NDST4: variants seen among roughly 807,000 people sequenced by gnomAD.
NDST4 encodes the protein N-heparan sulfate sulfotransferase 4.
NDST4 carries 63 observed loss-of-function variants against 100.8 expected under a neutral mutation model. The ratio of observed to expected loss-of-function variants is 0.62; its 90% CI spans 0.51 to 0.77. NDST4 has a LOEUF of 0.77. Among genes scored for constraint, NDST4 ranks in the 30% least tolerant of loss-of-function variants. NDST4 has a pLI of 0.00. For synonymous variants in NDST4, 377 were observed against 361.8 expected (o/e 1.04, Z -0.48); for missense variants, 943 against 1,018.4 (o/e 0.93, Z 1.01).
chr4:115,029,879 A>G (rs571769897), intron 2 of NDST4, among the ~76,000 whole-genome samples: 1 of 152,242 alleles, frequency 6.6e-6, no homozygotes, highest in South Asian at 2.1e-4. Flanking sequence ...TTGACTGTGT[A>G]TGCAAGTTGG....
At position 115,078,637 on chromosome 4, in the gene NDST4, A is replaced by C. The variant is rs531420081; in HGVS notation, c.-246-1355T>G. 3.3e-5 allele frequency among the ~76,000 whole-genome samples: 5 copies of C among 152,176 alleles called. No homozygotes were observed. In the South Asian group the frequency reaches 8.3e-4, roughly 25 times the overall value. ...GGGTGGATCACGAGGTCAGGAGTTC[A>C]AGATCAGCCTGGTAGGGATAGTGAA... On this transcript the variant is annotated intron_variant, in intron 1 of 13. Transcript: ENST00000264363.
At chr4:114,934,162 T>C (rs1210377019) in intron 6 of NDST4, among the ~76,000 whole-genome samples, 1 of 152,160 alleles carries the variant, frequency 6.6e-6, no homozygotes, top group Non-Finnish European at 1.5e-5. Context: ...AATAAAATAT[T>C]ATTCATCCTT....
chr4:114,848,310 A>G lies in NDST4; in HGVS notation c.1845T>C (p.Leu615=), dbSNP rs1474752553. ...TGTTALYLFL[L]MHPSIISNLP... The stretch of plus-strand genomic sequence containing the variant: ...GATTGCTGATGATTGAAGGATGCAT[A>G]AGAAGAAATAAATAAAGTGCAGTTG... The change falls in exon 9 of 14, where the codon CTT becomes CTC. Residue 615 remains leucine (L), a synonymous_variant. Coordinates refer to ENST00000264363, the MANE Select transcript of NDST4 (RefSeq NM_022569.3). 22 of 1,602,132 alleles carry G rather than the reference A, an allele frequency of 1.4e-5. No homozygotes were observed. The highest frequency in any genetic ancestry group is 1.9e-5 in the Non-Finnish European group (22 of 1,174,512).
At chr4:114,841,429 T>C (rs190123013) in intron 10 of NDST4, among the ~76,000 whole-genome samples, 253 of 152,316 alleles carry the variant, frequency 1.7e-3, no homozygotes, top group African/African-American at 5.7e-3. Flanking sequence ...CCCTGCTCAC[T>C]GCAATACAGC....
At chr4:115,069,875 T>C (rs1260285770) in intron 2 of NDST4, among the ~76,000 whole-genome samples, 1 of 152,144 alleles carries the variant, frequency 6.6e-6, no homozygotes, top group Non-Finnish European at 1.5e-5. Context: ...AGAATGAGAC[T>C]CTTTCTCTAA....
At chr4:114,912,834 T>A (rs141207697) in intron 6 of NDST4, among the ~76,000 whole-genome samples, 37 of 152,248 alleles carry the variant, frequency 2.4e-4, no homozygotes, top group African/African-American at 8.4e-4. Flanking sequence ...AATCACTTGT[T>A]TTTACTTTTT....
intron 4 of NDST4, among the ~76,000 whole-genome samples, chr4:114,948,594 G>A (rs1725921536): frequency 6.6e-6 from 1 of 151,878 alleles, no homozygotes; most frequent in African/African-American, 2.4e-5. Context: ...TTATCCTGTT[G>A]AAGTGATATC....
At chr4:114,968,876 C>G (rs573715057) in intron 4 of NDST4, among the ~76,000 whole-genome samples, 3 of 152,196 alleles carry the variant, frequency 2.0e-5, no homozygotes, top group Non-Finnish European at 4.4e-5. Context: ...TCATGGGGAT[C>G]ATCTGGGAAG....
intron 6 of NDST4, among the ~76,000 whole-genome samples, chr4:114,899,171 C>T (rs1279881526): frequency 1.3e-5 from 2 of 151,620 alleles, no homozygotes; most frequent in African/African-American, 4.8e-5. Context: ...AGATTTTTAT[C>T]GTTTTTTGTT....
intron 5 of NDST4, 131 bp from the exon 6 acceptor site, chr4:114,935,465 T>C (rs539103758): frequency 1.4e-5 from 11 of 762,100 alleles, no homozygotes; most frequent in African/African-American, 9.1e-5. Flanking sequence ...CCAAATCTTA[T>C]TATAATCACA....
chr4:114,874,446 C>T (rs527487100), intron 6 of NDST4, among the ~76,000 whole-genome samples: 14 of 152,142 alleles, frequency 9.2e-5, no homozygotes, highest in Admixed American at 7.2e-4. Context: ...TTTTCCTTTA[C>T]TGAGAATAAA....
chr4:114,830,896 G>C (rs1445579011), intron 12 of NDST4, among the ~76,000 whole-genome samples: 2 of 152,168 alleles, frequency 1.3e-5, no homozygotes, highest in African/African-American at 2.4e-5. Flanking sequence ...TTCATTTAGG[G>C]GGAGAGGGAA....
chr4:115,015,833 C>T (rs962790795), intron 2 of NDST4, among the ~76,000 whole-genome samples: 1 of 152,000 alleles, frequency 6.6e-6, no homozygotes, highest in Admixed American at 6.6e-5. Context: ...TGGTTATGGC[C>T]ACCACTGATG....
intron 6 of NDST4, among the ~76,000 whole-genome samples, chr4:114,924,672 T>G (rs1296116429): frequency 6.6e-6 from 1 of 152,002 alleles, no homozygotes; most frequent in Non-Finnish European, 1.5e-5. Context: ...TCTATAAAAA[T>G]AAATACCCCT....
rs70964332 is a variant in NDST4, at chr4:114,929,113, CATCTATCTATCT to C, written c.1536+6081_1536+6092del. Among the ~76,000 whole-genome samples, 212 of 117,328 alleles carry C rather than the reference CATCTATCTATCT, an allele frequency of 1.8e-3. 1 individual carries two copies. Among genetic ancestry groups the C allele is most frequent in the South Asian group, 6.5e-3 (22 of 3,386 alleles). The allele number at this position is 117,328 out of a possible 152,430, so 77.0% of individuals were successfully genotyped here. ...CCATCCATCCATCCATCCATCCATC[CATCTATCTATCT>C]ATCTATCTATCTATCTATCTATCTA... is the stretch of plus-strand genomic sequence containing the variant. On this transcript the variant is annotated intron_variant, in intron 6 of 13. Coordinates refer to ENST00000264363, the MANE Select transcript of NDST4 (RefSeq NM_022569.3).
rs768323748 is a variant in NDST4 at position 114,970,410 on chromosome 4, C to A, written c.1221+20G>T. 1.9e-6 allele frequency: 3 copies of A among 1,599,856 alleles called. No individual in the cohort carries two copies. In the Admixed American group the frequency reaches 5.1e-5, roughly 27 times the overall value. On this transcript the variant is annotated intron_variant, in intron 4 of 13. Transcript: ENST00000264363. ...ATCACAACTTATAGTTCAAAAGATACCACAATAAAATGTGCTCACCAGTGC... is the reference window on the plus strand; with the variant it reads ...ATCACAACTTATAGTTCAAAAGATAACACAATAAAATGTGCTCACCAGTGC...
intron 2 of NDST4, among the ~76,000 whole-genome samples, chr4:114,986,983 A>T (rs1726928949): frequency 6.6e-6 from 1 of 151,556 alleles, no homozygotes; most frequent in South Asian, 2.1e-4. Context: ...TTCTTATAAG[A>T]TAATCACAAA....
intron 2 of NDST4, among the ~76,000 whole-genome samples, chr4:115,040,960 T>C (rs986921772): frequency 6.6e-6 from 1 of 152,058 alleles, no homozygotes; most frequent in Non-Finnish European, 1.5e-5. Flanking sequence ...GTTTTGAAAA[T>C]TAATAGGTAA....
At position 114,839,441 on chromosome 4, in the gene NDST4, G is replaced by A; in HGVS notation, c.2223C>T (p.Cys741=). 6.2e-7 allele frequency: 1 copy of A among 1,613,826 alleles called. No homozygotes were observed. Among genetic ancestry groups the A allele is most frequent in the Non-Finnish European group, 8.5e-7 (1 of 1,179,826 alleles). The change falls in exon 11 of 14, where the codon TGC becomes TGT. Residue 741 remains cysteine (C), a synonymous_variant. Transcript: ENST00000264363. ...PSDLKTLQRR[C]LVPGWYAVHI... Reference sequence around the variant, plus strand: ...GGACTGCATACCATCCAGGTACTAGGCATCTTCTCTGCAAAGTTTTTAAGT... The same window carrying A: ...GGACTGCATACCATCCAGGTACTAGACATCTTCTCTGCAAAGTTTTTAAGT...
Sources: gnomAD v4.1 joint callset for allele counts (sites outside exome capture counted in the v4.1 genomes callset) on GRCh38, gnomAD v4.1.1 for gene constraint, MANE v1.5 for transcripts, NCBI Gene and HGNC (gene_info 2026-07-23, HGNC 2026-07-21) for gene names.